The following MAK variants were observed in gnomAD, a reference collection of about 807,000 sequenced individuals.
The protein encoded by MAK is serine/threonine-protein kinase MAK.
In MAK, 65 loss-of-function variants were observed where a neutral mutation model predicts 82.6. The ratio of observed to expected loss-of-function variants is 0.79; its 90% CI spans 0.64 to 0.97. The LOEUF is 0.97. Among genes scored for constraint, MAK ranks in the 50% least tolerant of loss-of-function variants. The pLI, the probability that MAK is intolerant of heterozygous loss-of-function variation, is 0.00. For missense variants in MAK, 703 were observed against 780.2 expected, an observed-to-expected ratio of 0.90 and a Z score of 1.18; for synonymous variants, 250 against 274.2, an observed-to-expected ratio of 0.91 and a Z score of 0.87.
chr6:10,769,403 G>A (rs2127509875), intron 14 of MAK, among the ~76,000 whole-genome samples: 1 of 152,296 alleles, frequency 6.6e-6, no homozygotes, highest in South Asian at 2.1e-4. Context: ...CATTTCAAGT[G>A]TGTACCCCCA....
chr6:10,832,481 A>G (rs932499804), intron 1 of MAK, among the ~76,000 whole-genome samples: 1 of 152,218 alleles, frequency 6.6e-6, no homozygotes, highest in Non-Finnish European at 1.5e-5. Flanking sequence ...AGCCATCTCA[A>G]CCTTCAGCAG....
chr6:10,784,457 G>T lies in MAK; in HGVS notation c.1432C>A (p.Gln478Lys), dbSNP rs1774324305. Reference sequence around the variant, plus strand: ...TATCTTGATTGTTTCAAGTAGTACTGTTTAGAGGTTGGAGCAGTTGACAAT... The same window carrying T: ...TATCTTGATTGTTTCAAGTAGTACTTTTTAGAGGTTGGAGCAGTTGACAAT... ...SELSTAPTSK[Q>K]YYLKQSRYLP... The change falls in exon 11 of 15, where the codon CAG (glutamine) becomes AAG (lysine). Residue 478 changes from glutamine to lysine, a missense_variant. Gln to Lys is a moderately conservative substitution (Grantham distance 53). Coordinates refer to ENST00000354489, the MANE Select transcript of MAK (RefSeq NM_001242957.3). 2.5e-6 allele frequency: 4 copies of T among 1,614,172 alleles called. No homozygotes were observed. The highest frequency in any genetic ancestry group is 3.4e-6 in the Non-Finnish European group (4 of 1,180,018).
At chr6:10,811,171 G>A (rs1313020306) in intron 5 of MAK, among the ~76,000 whole-genome samples, 1 of 152,148 alleles carries the variant, frequency 6.6e-6, no homozygotes, top group Non-Finnish European at 1.5e-5. Context: ...GCTAATTTTT[G>A]TATTTTTGGT....
chr6:10,771,045 A>C (rs923714114), intron 13 of MAK, among the ~76,000 whole-genome samples: 4 of 152,032 alleles, frequency 2.6e-5, no homozygotes, highest in African/African-American at 4.8e-5. Context: ...ATAGGAGGAG[A>C]ATCAGGATTG....
intron 2 of MAK, among the ~76,000 whole-genome samples, chr6:10,819,459 G>A (rs1249523984): frequency 1.3e-5 from 2 of 151,848 alleles, no homozygotes; most frequent in Admixed American, 6.6e-5. Flanking sequence ...GTGAAACCCC[G>A]TCTCTACTAA....
At chr6:10,828,462 T>C (rs761388718) in intron 2 of MAK, among the ~76,000 whole-genome samples, 14 of 152,218 alleles carry the variant, frequency 9.2e-5, no homozygotes, top group South Asian at 2.1e-4. Context: ...AAAACTCCTA[T>C]ATTGAAGTCC....
chr6:10,784,466 T>C lies in MAK; in HGVS notation c.1423A>G (p.Thr475Ala). The change falls in exon 11 of 15, where the codon ACC becomes GCC. Residue 475 changes from threonine (T) to alanine (A), a missense_variant. Thr to Ala is a moderately conservative substitution (Grantham distance 58). Transcript: ENST00000354489. The stretch of plus-strand genomic sequence containing the variant: ...TGTTTCAAGTAGTACTGTTTAGAGG[T>C]TGGAGCAGTTGACAATTCGGAATCA... The part of the protein sequence containing the change: ...KSDSELSTAP[T>A]SKQYYLKQSR... The C allele has an allele frequency of 6.2e-7, 1 of 1,614,194 alleles. No individual in the cohort carries two copies. Among genetic ancestry groups the C allele is most frequent in the Non-Finnish European group, 8.5e-7 (1 of 1,180,024 alleles).
At chr6:10,765,072 G>C (rs1046881375) in intron 14 of MAK, among the ~76,000 whole-genome samples, 1 of 148,144 alleles carries the variant, frequency 6.8e-6, no homozygotes, top group Non-Finnish European at 1.5e-5. Context: ...CACCAGCCTG[G>C]GCGACAAGAG....
At chr6:10,806,759 C>A (rs1200910560) in intron 6 of MAK, among the ~76,000 whole-genome samples, 1 of 152,002 alleles carries the variant, frequency 6.6e-6, no homozygotes, top group Non-Finnish European at 1.5e-5. Context: ...TCCCACAGTG[C>A]TGGGATTCAG....
chr6:10,785,864 T>C (rs1420839126), intron 10 of MAK, among the ~76,000 whole-genome samples: 1 of 152,234 alleles, frequency 6.6e-6, no homozygotes, highest in Non-Finnish European at 1.5e-5. Flanking sequence ...AGAGGCTTAA[T>C]TCCAACTAGG....
chr6:10,797,234 A>G (rs1240696843), intron 8 of MAK, among the ~76,000 whole-genome samples: 1 of 152,196 alleles, frequency 6.6e-6, no homozygotes, highest in African/African-American at 2.4e-5. Context: ...AAATATTATG[A>G]AAAATGATCA....
chr6:10,770,917 TGAA>T lies in MAK; in HGVS notation c.1673-690_1673-688del, dbSNP rs544448435. The stretch of plus-strand genomic sequence containing the variant: ...TCTGAACCACAGCAGTGGCAGAGGG[TGAA>T]GAAGAAGGGAACTAAGCAGGTTCAC... On this transcript the variant is annotated intron_variant, in intron 13 of 14. Coordinates refer to ENST00000354489, the MANE Select transcript of MAK (RefSeq NM_001242957.3). Among the ~76,000 whole-genome samples the T allele has an allele frequency of 1.2e-4, 18 of 151,706 alleles. No individual in the cohort carries two copies. In the South Asian group the frequency reaches 2.7e-3, roughly 23 times the overall value.
chr6:10,834,394 G>A (rs1018491328), intron 1 of MAK, among the ~76,000 whole-genome samples: 4 of 152,152 alleles, frequency 2.6e-5, no homozygotes, highest in African/African-American at 4.8e-5. Flanking sequence ...GTTGCATTTG[G>A]CTTGATGTTG....
At chr6:10,830,124 C>CGTGT (rs35519970) in intron 2 of MAK, among the ~76,000 whole-genome samples, 6,437 of 141,510 alleles carry the variant, frequency 0.045, 147 homozygotes, top group East Asian at 0.1. Context: ...CCTGTGTGCA[C>CGTGT]GTGTGTGTGT....
Position 10,764,316 on chromosome 6 carries a change from T to G in MAK, c.*136A>C. On this transcript the variant is annotated 3_prime_UTR_variant, in exon 15 of 15. Transcript: ENST00000354489. ...AAATAAGTAAAATAGGGGATGATTT[T>G]TGCCCTTCCAAGTACCCACTTTTGC... is the stretch of plus-strand genomic sequence containing the variant. 1.2e-6 allele frequency: 1 copy of G among 822,518 alleles called. No homozygotes were observed. Among genetic ancestry groups the G allele is most frequent in the East Asian group, 2.7e-5 (1 of 37,474 alleles). The allele number at this position is 822,518 out of a possible 1,614,324, so 51.0% of individuals were successfully genotyped here. A position where few individuals can be genotyped will look rare whatever the true frequency, so the allele number is the denominator to read the frequency against.
At chr6:10,803,919 AT>A (rs775678926) in intron 6 of MAK, 28 bp from the exon 7 acceptor site, 5 of 1,604,004 alleles carry the variant, frequency 3.1e-6, no homozygotes, top group Non-Finnish European at 4.3e-6. Flanking sequence ...AAAAGAGGTA[AT>A]TTTGATTGCA....
At chr6:10,775,913 C>T (rs370835263) in intron 11 of MAK, among the ~76,000 whole-genome samples, 7 of 152,162 alleles carry the variant, frequency 4.6e-5, no homozygotes, top group African/African-American at 1.2e-4. Flanking sequence ...CTCAGCCTCC[C>T]GAGTAGCTGG....
chr6:10,774,019 G>A (rs1773250330), intron 12 of MAK, among the ~76,000 whole-genome samples: 1 of 152,034 alleles, frequency 6.6e-6, no homozygotes, highest in Non-Finnish European at 1.5e-5. Flanking sequence ...GTGATTTTAT[G>A]TCCTCCAATA....
In MAK at chr6:10,781,971, C is replaced by T. The variant is rs151208919; in HGVS notation, c.1465+2453G>A. Among the ~76,000 whole-genome samples the T allele has an allele frequency of 6.6e-5, 10 of 152,048 alleles. No individual in the cohort carries two copies. The East Asian group carries it at 9.7e-4, about 15-fold the overall frequency. The stretch of plus-strand genomic sequence containing the variant: ...GCCTGTAATCCCACCACTTTGGGAA[C>T]GAGGTGGGTGGATCACCTGAGGTCA... On this transcript the variant is annotated intron_variant, in intron 11 of 14. Transcript: ENST00000354489.
Sources: gnomAD v4.1 joint callset for allele counts (sites outside exome capture counted in the v4.1 genomes callset) on GRCh38, gnomAD v4.1.1 for gene constraint, MANE v1.5 for transcripts, NCBI Gene and HGNC (gene_info 2026-07-23, HGNC 2026-07-21) for gene names.